MAP2K6: variants seen among roughly 807,000 people sequenced by gnomAD.
The protein encoded by MAP2K6 is mitogen-activated protein kinase kinase 6, also known as dual specificity mitogen-activated protein kinase kinase 6.
MAP2K6 carries 16 observed loss-of-function variants against 53.7 expected under a neutral mutation model. That is an observed-to-expected ratio of 0.30 (90% CI 0.20 to 0.45). The LOEUF (loss-of-function observed/expected upper bound fraction) is 0.45, where lower values mean the gene tolerates loss of function less well. Ranked by LOEUF, MAP2K6 falls within the 20% of genes least tolerant of loss-of-function variation. The pLI, the probability that MAP2K6 is intolerant of heterozygous loss-of-function variation, is 1.00. For synonymous variants in MAP2K6, 132 were observed against 143.1 expected (o/e 0.92, Z 0.55); for missense variants, 204 against 411.9 (o/e 0.50, Z 4.37).
chr17:69,493,354 A>G (rs1567838462), intron 1 of MAP2K6, among the ~76,000 whole-genome samples: 1 of 152,012 alleles, frequency 6.6e-6, no homozygotes, highest in East Asian at 1.9e-4. Flanking sequence ...AAAAGGGGCA[A>G]TGCCTTCTTT....
At chr17:69,508,041 G>GTTTTT (rs71144698) in intron 2 of MAP2K6, among the ~76,000 whole-genome samples, 573 of 44,896 alleles carry the variant, frequency 0.013, 233 homozygotes, top group Middle Eastern at 0.083. Flanking sequence ...TATATATGTA[G>GTTTTT]TTTTTTTTTT....
In MAP2K6 at chr17:69,524,884, G is replaced by T; in HGVS notation, c.664-17G>T. 1 of 1,597,954 alleles carries T rather than the reference G, an allele frequency of 6.3e-7. No individual in the cohort carries two copies. Among genetic ancestry groups the T allele is most frequent in the Non-Finnish European group, 8.6e-7 (1 of 1,165,788 alleles). Reference sequence around the variant, plus strand: ...CAATTGTCTTCCCAGTTTCTCAGTTGTCTGTCTTCTTTCCAGCCTGAAAGA... The same window carrying T: ...CAATTGTCTTCCCAGTTTCTCAGTTTTCTGTCTTCTTTCCAGCCTGAAAGA... On this transcript the variant is annotated splice_polypyrimidine_tract_variant and intron_variant, in intron 8 of 11. Transcript: ENST00000590474.
intron 1 of MAP2K6, among the ~76,000 whole-genome samples, chr17:69,470,502 G>T (rs946709389): frequency 6.6e-6 from 1 of 152,180 alleles, no homozygotes; most frequent in African/African-American, 2.4e-5. Context: ...GATGAATCCA[G>T]AGCCAGCAGA....
Position 69,548,312 on chromosome 17 carries a change from G to A in MAP2K6, c.*6559G>A, listed in dbSNP as rs191923375. 1 of 152,174 alleles carries A rather than the reference G, an allele frequency of 6.6e-6. No homozygotes were observed. The highest frequency in any genetic ancestry group is 1.5e-5 in the Non-Finnish European group (1 of 67,992). 9.4% of individuals were successfully genotyped at this position (152,174 alleles called of 1,614,324 possible). ...CCCTGAAGCCTCTAGTGGAAATCTT[G>A]TCTTCCCTATAGAACGAGAACAGCT... On this transcript the variant is annotated 3_prime_UTR_variant, in exon 12 of 12. Transcript: ENST00000590474.
At chr17:69,502,668 G>C in intron 1 of MAP2K6, 7 of 985,484 alleles carry the variant, frequency 7.1e-6, no homozygotes, top group Non-Finnish European at 8.4e-6. Flanking sequence ...ATTTCAACTA[G>C]GAGGCAGTAA....
In MAP2K6 at chr17:69,549,960, A is replaced by G. The variant is rs2144892306; in HGVS notation, c.*8207A>G. 1 of 152,200 alleles carries G rather than the reference A, an allele frequency of 6.6e-6. No homozygotes were observed. Among genetic ancestry groups the G allele is most frequent in the Admixed American group, 6.5e-5 (1 of 15,288 alleles). The allele number at this position is 152,200 out of a possible 1,614,324, so 9.4% of individuals were successfully genotyped here. On this transcript the variant is annotated 3_prime_UTR_variant, in exon 12 of 12. Transcript: ENST00000590474. The stretch of plus-strand genomic sequence containing the variant: ...AAATTAGGAACCCCTTGAAGGAGCA[A>G]GCTGATTAAAAAAAAAAGCTGGCAG...
intron 10 of MAP2K6, 36 bp downstream of exon 10, chr17:69,526,745 A>ATTG (rs1463974802): frequency 6.2e-7 from 1 of 1,600,054 alleles, no homozygotes; most frequent in Admixed American, 1.7e-5. Context: ...TCAGTGTGAA[A>ATTG]GAAGAAGATG....
At chr17:69,520,712 C>G (rs187329080) in intron 6 of MAP2K6, 11 of 375,606 alleles carry the variant, frequency 2.9e-5, no homozygotes, top group Non-Finnish European at 4.3e-5. Context: ...TCTCTTGAGA[C>G]TAGTAGGCAT....
intron 11 of MAP2K6, 77 bp downstream of exon 11, chr17:69,536,237 T>G: frequency 1.0e-6 from 1 of 1,002,156 alleles, no homozygotes; most frequent in East Asian, 2.4e-5. Flanking sequence ...TAAATTATCA[T>G]CACATCACCA....
rs1310659460 is a variant in MAP2K6 at position 69,542,410 on chromosome 17, C to T, written c.*657C>T. On this transcript the variant is annotated 3_prime_UTR_variant, in exon 12 of 12. Transcript: ENST00000590474. ...CATCTGCCCAATCCTGGGTGATCAC[C>T]ACATCTTTTAGGGGAAGTGACAAGA... The T allele has an allele frequency of 6.6e-6, 1 of 152,550 alleles. No homozygotes were observed. The highest frequency in any genetic ancestry group is 2.4e-5 in the African/African-American group (1 of 41,420). The allele number at this position is 152,550 out of a possible 1,614,324, so 9.4% of individuals were successfully genotyped here.
intron 1 of MAP2K6, among the ~76,000 whole-genome samples, chr17:69,499,647 T>G (rs926236709): frequency 2.0e-5 from 3 of 152,346 alleles, no homozygotes; most frequent in Admixed American, 2.0e-4. Flanking sequence ...AGTCAACAAA[T>G]ATTTATGATG....
intron 1 of MAP2K6, among the ~76,000 whole-genome samples, chr17:69,420,442 A>G (rs995670116): frequency 5.9e-5 from 9 of 152,214 alleles, no homozygotes; most frequent in African/African-American, 2.2e-4. Context: ...TTAAGAATCA[A>G]TTTTAATGAC....
chr17:69,503,299 A>T (rs776891505), intron 1 of MAP2K6, among the ~76,000 whole-genome samples: 1 of 152,176 alleles, frequency 6.6e-6, no homozygotes, highest in Non-Finnish European at 1.5e-5. Flanking sequence ...AGGTGCATGG[A>T]TGGGAATTGT....
At chr17:69,434,046 A>C (rs1026200835) in intron 1 of MAP2K6, 2 of 152,184 alleles carry the variant, frequency 1.3e-5, no homozygotes, top group African/African-American at 4.8e-5. Context: ...CTATGCATCT[A>C]TGTCCCTTAG....
chr17:69,479,778 T>C (rs974900229), intron 1 of MAP2K6, among the ~76,000 whole-genome samples: 7 of 150,934 alleles, frequency 4.6e-5, no homozygotes, highest in Non-Finnish European at 1.0e-4. Flanking sequence ...AGTGCAATGG[T>C]GCGATCTCAG....
rs572134038 is a variant in MAP2K6 at position 69,425,547 on chromosome 17, A to G, written c.16+10547A>G. 5.3e-5 allele frequency among the ~76,000 whole-genome samples: 8 copies of G among 152,158 alleles called. No individual in the cohort carries two copies. The South Asian group carries it at 1.7e-3, about 32-fold the overall frequency. On this transcript the variant is annotated intron_variant, in intron 1 of 11. Coordinates refer to ENST00000590474, the MANE Select transcript of MAP2K6 (RefSeq NM_002758.4). ...AGGCTGGTGTTGAACTCCTGACCTC[A>G]TGATTCGCCCGCCTCGGCCTCCCAA... is the stretch of plus-strand genomic sequence containing the variant.
At chr17:69,479,196 A>G (rs1479910458) in intron 1 of MAP2K6, among the ~76,000 whole-genome samples, 1 of 152,102 alleles carries the variant, frequency 6.6e-6, no homozygotes, top group East Asian at 1.9e-4. Flanking sequence ...AGATGACTAC[A>G]ATAGCTGTAG....
At chr17:69,445,539 T>C (rs1358372894) in intron 1 of MAP2K6, among the ~76,000 whole-genome samples, 1 of 152,242 alleles carries the variant, frequency 6.6e-6, no homozygotes, top group Non-Finnish European at 1.5e-5. Flanking sequence ...TACATATTTT[T>C]CTTGTTTTGT....
chr17:69,501,430 C>A (rs1434107690), intron 1 of MAP2K6, among the ~76,000 whole-genome samples: 1 of 152,202 alleles, frequency 6.6e-6, no homozygotes, highest in Non-Finnish European at 1.5e-5. Context: ...TGTACCCCAT[C>A]ATTTTCGGTG....
Sources: gnomAD v4.1 joint callset for allele counts (sites outside exome capture counted in the v4.1 genomes callset) on GRCh38, gnomAD v4.1.1 for gene constraint, MANE v1.5 for transcripts, NCBI Gene and HGNC (gene_info 2026-07-23, HGNC 2026-07-21) for gene names.